The following TRIM33 variants were observed in gnomAD, a reference collection of about 807,000 sequenced individuals.
The protein encoded by TRIM33 is tripartite motif containing 33, also known as E3 ubiquitin-protein ligase TRIM33.
A neutral mutation model predicts 125.4 loss-of-function variants in TRIM33; 20 were observed. The ratio of observed to expected loss-of-function variants is 0.16; its 90% CI spans 0.11 to 0.23. The LOEUF (loss-of-function observed/expected upper bound fraction) is 0.23. TRIM33 is among the 10% of genes least tolerant of loss of function. TRIM33 has a pLI of 1.00. For missense variants in TRIM33, 920 were observed against 1,411.4 expected (o/e 0.65, Z 5.58); for synonymous variants, 564 against 513.9 (o/e 1.10, Z -1.32).
intron 1 of TRIM33, among the ~76,000 whole-genome samples, chr1:114,465,606 G>GCCT (rs1557881554): frequency 6.6e-6 from 1 of 152,048 alleles, no homozygotes; most frequent in East Asian, 1.9e-4. Context: ...TTTGAGGCCA[G>GCCT]CCTGGACAAC....
chr1:114,431,321 G>C (rs574749279), intron 5 of TRIM33, among the ~76,000 whole-genome samples: 4 of 152,262 alleles, frequency 2.6e-5, no homozygotes, highest in South Asian at 2.1e-4. Flanking sequence ...TCTTTTGAAA[G>C]GATAATAGTT....
intron 17 of TRIM33, 140 bp from the exon 18 acceptor site, chr1:114,399,749 T>C: frequency 1.6e-6 from 1 of 643,538 alleles, no homozygotes; most frequent in Non-Finnish European, 2.6e-6. Context: ...TAGACGTATG[T>C]ACTTTACATC....
At chr1:114,431,782 T>C (rs1572047094) in intron 5 of TRIM33, among the ~76,000 whole-genome samples, 1 of 152,228 alleles carries the variant, frequency 6.6e-6, no homozygotes, top group South Asian at 2.1e-4. Flanking sequence ...TGTACATCGT[T>C]TGGCACTTAC....
intron 13 of TRIM33, among the ~76,000 whole-genome samples, 169 bp downstream of exon 13, chr1:114,408,508 C>T (rs917412764): frequency 1.3e-5 from 2 of 151,862 alleles, no homozygotes; most frequent in African/African-American, 4.8e-5. Flanking sequence ...ATAATTCAGA[C>T]CAGAAAGGAA....
chr1:114,444,232 T>C (rs1474631761), intron 4 of TRIM33, among the ~76,000 whole-genome samples: 1 of 151,674 alleles, frequency 6.6e-6, no homozygotes, highest in African/African-American at 2.4e-5. Flanking sequence ...GAACAGAGGG[T>C]AGATAGAGGG....
Position 114,420,527 on chromosome 1 carries a change from T to G in TRIM33, c.2061+909A>C, listed in dbSNP as rs951444926. On this transcript the variant is annotated intron_variant, in intron 11 of 19. Transcript: ENST00000358465. ...TAATCCACCATTATTGTACTTCTGT[T>G]TAGATATTCCCATAATTTGCTATTC... 6.7e-6 allele frequency: 5 copies of G among 742,248 alleles called. No homozygotes were observed. In the African/African-American group the frequency reaches 9.1e-5, roughly 13 times the overall value. The allele number at this position is 742,248 out of a possible 1,614,324, so 46.0% of individuals were successfully genotyped here. A position where few individuals can be genotyped will look rare whatever the true frequency, so the allele number is the denominator to read the frequency against.
intron 1 of TRIM33, among the ~76,000 whole-genome samples, chr1:114,469,877 A>G (rs1650534041): frequency 6.6e-6 from 1 of 152,236 alleles, no homozygotes; most frequent in Admixed American, 6.5e-5. Flanking sequence ...ACTTGGAGAT[A>G]TGATACAGAA....
In TRIM33 at chr1:114,407,249, G is replaced by A. The variant is rs571030255; in HGVS notation, c.2259-149C>T. 2.8e-4 allele frequency: 193 copies of A among 683,042 alleles called. 3 individuals carry two copies. The South Asian group carries it at 4.1e-3, about 15-fold the overall frequency. The allele number at this position is 683,042 out of a possible 1,614,324, so 42.3% of individuals were successfully genotyped here. Reference sequence around the variant, plus strand: ...GGATACCTCATAATGTAGTTAAGGGGAATGTGGTATAAAGCCTAGCTTAAA... The same window carrying A: ...GGATACCTCATAATGTAGTTAAGGGAAATGTGGTATAAAGCCTAGCTTAAA... On this transcript the variant is annotated intron_variant, in intron 13 of 19. Transcript: ENST00000358465.
rs1553204379 is a variant in TRIM33 at position 114,398,912 on chromosome 1, A to AAC, written c.3120+544_3120+545insGT. ...AAACTTACCCTCAAAAAAAAAAAAA[A>AAC]AAACAAAACAAAACAAAACAAAAAA... On this transcript the variant is annotated intron_variant, in intron 18 of 19. Transcript: ENST00000358465. Among the ~76,000 whole-genome samples, 240 of 148,024 alleles carry AAC rather than the reference A, an allele frequency of 1.6e-3. 2 individuals are homozygous for AAC. Among genetic ancestry groups the AAC allele is most frequent in the African/African-American group, 5.7e-3 (227 of 39,828 alleles).
Position 114,397,761 on chromosome 1 carries a change from C to G in TRIM33, c.3271G>C (p.Glu1091Gln). ...CCATCATCCTCTTCCTGCTCAAACT[C>G]TGGCAAAGGTGCGAAGGTCCTGTCT... ...YSDRTFAPLP[E>Q]FEQEEDDGEV... The change falls in exon 20 of 20, where the codon GAG becomes CAG. Residue 1091 changes from glutamate (E) to glutamine (Q), a missense_variant. Glu to Gln is a conservative substitution (Grantham distance 29). Around this residue, in one of 8 missense-constraint regions of TRIM33, gnomAD observed 122 missense variants for 236.8 expected, o/e 0.52. Transcript: ENST00000358465. The G allele has an allele frequency of 6.2e-7, 1 of 1,613,916 alleles. No homozygotes were observed. The highest frequency in any genetic ancestry group is 8.5e-7 in the Non-Finnish European group (1 of 1,179,954).
chr1:114,413,646 A>G (rs2101119307), intron 11 of TRIM33, among the ~76,000 whole-genome samples: 1 of 149,248 alleles, frequency 6.7e-6, no homozygotes, highest in African/African-American at 2.5e-5. Flanking sequence ...AAAAAAAAAA[A>G]AAAAAAGGTA....
intron 6 of TRIM33, among the ~76,000 whole-genome samples, chr1:114,429,658 AG>A (rs1410609104): frequency 6.6e-6 from 1 of 151,924 alleles, no homozygotes; most frequent in Admixed American, 6.6e-5. Flanking sequence ...TGACAATTTG[AG>A]GTTAATGGAA....
In TRIM33 at chr1:114,511,196, A is replaced by AGCGAACCAACGAGAGC; in HGVS notation, c.-121_-120insGCTCTCGTTGGTTCGC. The AGCGAACCAACGAGAGC allele has an allele frequency of 3.1e-6, 3 of 966,572 alleles. No homozygotes were observed. The highest frequency in any genetic ancestry group is 3.7e-6 in the Non-Finnish European group (3 of 801,052). 59.9% of individuals were successfully genotyped at this position (966,572 alleles called of 1,614,324 possible). On this transcript the variant is annotated 5_prime_UTR_variant, in exon 1 of 20. Coordinates refer to ENST00000358465, the MANE Select transcript of TRIM33 (RefSeq NM_015906.4). ...AGCGGCAGCCGAGAGCTAGCGAGAGAGCGAACCAACGAGAGCGCGCGCGCA... is the reference window on the plus strand; with the variant it reads ...AGCGGCAGCCGAGAGCTAGCGAGAGAGCGAACCAACGAGAGCGCGAACCAACGAGAGCGCGCGCGCA...
intron 1 of TRIM33, among the ~76,000 whole-genome samples, chr1:114,507,054 G>A (rs1308308869): frequency 3.3e-5 from 5 of 152,138 alleles, no homozygotes; most frequent in South Asian, 2.1e-4. Context: ...AAAGTGAGAC[G>A]GGCAAGTAAA....
intron 4 of TRIM33, among the ~76,000 whole-genome samples, chr1:114,461,554 A>G (rs1353021021): frequency 1.3e-5 from 2 of 151,938 alleles, no homozygotes; most frequent in Non-Finnish European, 2.9e-5. Flanking sequence ...AGGAGGAGAA[A>G]AAAAACATTT....
Position 114,397,595 on chromosome 1 carries a change from T to G in TRIM33, c.*53A>C, listed in dbSNP as rs1211894998. 32 of 1,128,748 alleles carry G rather than the reference T, an allele frequency of 2.8e-5. No individual in the cohort carries two copies. Among genetic ancestry groups the G allele is most frequent in the Middle Eastern group, 2.8e-4 (1 of 3,564 alleles). The allele number at this position is 1,128,748 out of a possible 1,614,324, so 69.9% of individuals were successfully genotyped here. On this transcript the variant is annotated 3_prime_UTR_variant, in exon 20 of 20. Coordinates refer to ENST00000358465, the MANE Select transcript of TRIM33 (RefSeq NM_015906.4). Reference sequence around the variant, plus strand: ...AGTTTTCTGGGTTTTTTGTGTTTTTTTTTTTTTTTTCGTTTTTTTTTTTTT... The same window carrying G: ...AGTTTTCTGGGTTTTTTGTGTTTTTGTTTTTTTTTTCGTTTTTTTTTTTTT...
intron 1 of TRIM33, among the ~76,000 whole-genome samples, chr1:114,470,853 T>C (rs1026889072): frequency 2.6e-5 from 4 of 152,142 alleles, no homozygotes; most frequent in African/African-American, 9.7e-5. Flanking sequence ...CAGGCTGGAG[T>C]GCAATGGCAT....
At chr1:114,480,622 G>A (rs1651270067) in intron 1 of TRIM33, among the ~76,000 whole-genome samples, 1 of 145,776 alleles carries the variant, frequency 6.9e-6, no homozygotes, top group South Asian at 2.2e-4. Flanking sequence ...GGTAAACATA[G>A]AAGTCTCAGT....
chr1:114,463,269 A>G lies in TRIM33; in HGVS notation c.791-33T>C, dbSNP rs375764324. On this transcript the variant is annotated intron_variant, in intron 3 of 19. Coordinates refer to ENST00000358465, the MANE Select transcript of TRIM33 (RefSeq NM_015906.4). ...AAAATAAAACAAATATTTTTTAACC[A>G]AACATAAAATTTTTGTCTAGTTTTC... The G allele has an allele frequency of 9.5e-6, 15 of 1,570,830 alleles. No individual in the cohort carries two copies. In the African/African-American group the frequency reaches 2.1e-4, roughly 22 times the overall value.
Sources: allele counts gnomAD v4.1 joint callset (sites outside exome capture counted in the v4.1 genomes callset), GRCh38; gene constraint gnomAD v4.1.1; regional missense constraint gnomAD v4.1.1; transcripts MANE v1.5; gene names NCBI Gene and HGNC (gene_info 2026-07-23, HGNC 2026-07-21).